RHOBTB1: variants seen among roughly 807,000 people sequenced by gnomAD.
RHOBTB1 encodes Rho related BTB domain containing 1, also known as rho-related BTB domain-containing protein 1.
In RHOBTB1, 40 loss-of-function variants were observed where a neutral mutation model predicts 71.6. The observed-to-expected ratio is 0.56, with a 90% CI of 0.43 to 0.73. RHOBTB1 has a LOEUF of 0.73. RHOBTB1 is among the 30% of genes least tolerant of loss of function. The pLI is 0.00. For missense variants in RHOBTB1, 797 were observed against 894.0 expected (o/e 0.89, Z 1.38); for synonymous variants, 319 against 334.9 (o/e 0.95, Z 0.52).
intron 2 of RHOBTB1, among the ~76,000 whole-genome samples, chr10:60,985,342 G>A (rs538406153): frequency 1.3e-5 from 2 of 152,214 alleles, no homozygotes; most frequent in Admixed American, 1.3e-4. Flanking sequence ...TACTCACTTG[G>A]GATGACTCTA....
At chr10:60,882,519 GTTAAA>G (rs1241610061) in intron 7 of RHOBTB1, among the ~76,000 whole-genome samples, 1 of 149,852 alleles carries the variant, frequency 6.7e-6, no homozygotes, top group Non-Finnish European at 1.5e-5. Context: ...TGACAAAAAA[GTTAAA>G]TTAAAATCAT....
intron 4 of RHOBTB1, among the ~76,000 whole-genome samples, chr10:60,894,740 C>G (rs1469594034): frequency 1.3e-5 from 2 of 152,072 alleles, no homozygotes; most frequent in Non-Finnish European, 2.9e-5. Context: ...CAAAATTATA[C>G]AAAAAGAATT....
intron 2 of RHOBTB1, among the ~76,000 whole-genome samples, chr10:60,939,244 A>C (rs77013307): frequency 0.012 from 1,864 of 152,302 alleles, 32 homozygotes; most frequent in African/African-American, 0.042. Flanking sequence ...GTCCTGGGAC[A>C]TCTGGAAAAA....
Position 60,889,296 on chromosome 10 carries a change from C to T in RHOBTB1, c.483-111G>A, listed in dbSNP as rs1589199839. The T allele has an allele frequency of 6.3e-6, 7 of 1,109,536 alleles. No homozygotes were observed. The East Asian group carries it at 1.8e-4, about 29-fold the overall frequency. 68.7% of individuals were successfully genotyped at this position (1,109,536 alleles called of 1,614,324 possible). ...CTATACACTGAAAACTCCAGTCAGGCTTTTAGTCTCTGGAAAAATCTGCCA... is the reference window on the plus strand; with the variant it reads ...CTATACACTGAAAACTCCAGTCAGGTTTTTAGTCTCTGGAAAAATCTGCCA... On this transcript the variant is annotated intron_variant, in intron 5 of 10. Transcript: ENST00000337910.
intron 5 of RHOBTB1, among the ~76,000 whole-genome samples, chr10:60,892,415 A>G (rs544077252): frequency 6.6e-6 from 1 of 152,190 alleles, no homozygotes; most frequent in South Asian, 2.1e-4. Context: ...GTTTGTATGA[A>G]TCTGATGTTC....
intron 2 of RHOBTB1, among the ~76,000 whole-genome samples, chr10:60,962,976 T>TGTAGAAAATA (rs1345299572): frequency 2.0e-5 from 3 of 152,204 alleles, no homozygotes; most frequent in African/African-American, 7.2e-5. Context: ...TTGTTAGGAC[T>TGTAGAAAATA]GAAAATCTAT....
intron 1 of RHOBTB1, among the ~76,000 whole-genome samples, chr10:60,942,777 C>T (rs2084969704): frequency 1.3e-5 from 2 of 152,042 alleles, no homozygotes; most frequent in African/African-American, 4.8e-5. Flanking sequence ...CTTGCTAAGA[C>T]CAAACAAACA....
intron 2 of RHOBTB1, among the ~76,000 whole-genome samples, chr10:60,961,669 A>C (rs2085782163): frequency 6.6e-6 from 1 of 152,132 alleles, no homozygotes; most frequent in African/African-American, 2.4e-5. Context: ...ATACCCACCT[A>C]GGATTAGCAT....
At chr10:60,972,457 T>C (rs2086189891) in intron 2 of RHOBTB1, among the ~76,000 whole-genome samples, 1 of 152,016 alleles carries the variant, frequency 6.6e-6, no homozygotes, top group Non-Finnish European at 1.5e-5. Flanking sequence ...ACATCGCATG[T>C]TCTCACTCAT....
Position 60,888,689 on chromosome 10 carries a change from C to A in RHOBTB1, c.979G>T (p.Val327Phe). 6.2e-7 allele frequency: 1 copy of A among 1,614,226 alleles called. No homozygotes were observed. Among genetic ancestry groups the A allele is most frequent in the African/African-American group, 1.3e-5 (1 of 75,062 alleles). Reference sequence around the variant, plus strand: ...TCCTCCCTTTCTTCCTCTGGGTCGACACTCAATATCCGCCCCTGGAAATCT... The same window carrying A: ...TCCTCCCTTTCTTCCTCTGGGTCGAAACTCAATATCCGCCCCTGGAAATCT... Reference protein sequence around the residue: ...SRDFQGRILSVDPEEEREEGP... With the variant: ...SRDFQGRILSFDPEEEREEGP... Residue 327 changes from valine to phenylalanine, a missense_variant, in exon 6 of 11, where the codon GTC (valine) becomes TTC (phenylalanine). Val to Phe is a conservative substitution (Grantham distance 50, BLOSUM62 -1). Around this residue, in one of 2 missense-constraint regions of RHOBTB1, gnomAD observed 658 missense variants for 681.5 expected, o/e 0.97. Transcript: ENST00000337910.
intron 4 of RHOBTB1, among the ~76,000 whole-genome samples, chr10:60,895,806 C>T (rs1021030073): frequency 7.2e-5 from 11 of 152,264 alleles, no homozygotes; most frequent in Admixed American, 2.0e-4. Context: ...AAAGATTACA[C>T]AGAATTCTAT....
At chr10:60,955,391 T>A (rs1282747082) in intron 2 of RHOBTB1, among the ~76,000 whole-genome samples, 1 of 152,178 alleles carries the variant, frequency 6.6e-6, no homozygotes, top group Non-Finnish European at 1.5e-5. Context: ...TCAATTCATG[T>A]GTTAACTGAA....
intron 2 of RHOBTB1, among the ~76,000 whole-genome samples, chr10:60,941,274 T>C (rs903114965): frequency 2.6e-5 from 4 of 152,172 alleles, no homozygotes; most frequent in African/African-American, 9.7e-5. Context: ...ACATATTATC[T>C]AATGTCTCTA....
intron 2 of RHOBTB1, among the ~76,000 whole-genome samples, chr10:60,968,642 G>C (rs1053742775): frequency 6.6e-6 from 1 of 152,112 alleles, no homozygotes; most frequent in Non-Finnish European, 1.5e-5. Context: ...GAGGGAGATA[G>C]TTTCTCAAAA....
upstream of RHOBTB1, among the ~76,000 whole-genome samples, chr10:60,948,232 T>C (rs905437144): frequency 3.3e-5 from 5 of 152,216 alleles, no homozygotes; most frequent in Non-Finnish European, 5.9e-5. Flanking sequence ...AATTCTCAAA[T>C]TGCAAATTAA....
chr10:60,919,399 T>A (rs1380498101), intron 2 of RHOBTB1, among the ~76,000 whole-genome samples: 1 of 152,198 alleles, frequency 6.6e-6, no homozygotes, highest in Non-Finnish European at 1.5e-5. Flanking sequence ...ATTGTGCAGA[T>A]TTCATTATTC....
At chr10:60,920,289 A>G (rs1031402936) in intron 2 of RHOBTB1, among the ~76,000 whole-genome samples, 6 of 152,160 alleles carry the variant, frequency 3.9e-5, no homozygotes, top group Non-Finnish European at 5.9e-5. Context: ...AGACAAATAC[A>G]TCATCACAAA....
rs2080966824 is a variant in RHOBTB1, at chr10:60,874,858, A to T, written c.1815+96T>A. 18 of 868,530 alleles carry T rather than the reference A, an allele frequency of 2.1e-5. No individual in the cohort carries two copies. In the South Asian group the frequency reaches 2.6e-4, roughly 12 times the overall value. The allele number at this position is 868,530 out of a possible 1,614,324, so 53.8% of individuals were successfully genotyped here. On this transcript the variant is annotated intron_variant, in intron 9 of 10. Coordinates refer to ENST00000337910, the MANE Select transcript of RHOBTB1 (RefSeq NM_014836.5). The stretch of plus-strand genomic sequence containing the variant: ...GGGGACTCTGTGACTCAGTGGTGAC[A>T]TCTTCATTTAGACAGATGCAACAAT...
At chr10:60,956,138 C>T (rs1488336734) in intron 2 of RHOBTB1, among the ~76,000 whole-genome samples, 1 of 152,090 alleles carries the variant, frequency 6.6e-6, no homozygotes, top group Non-Finnish European at 1.5e-5. Context: ...ATGGTATAGC[C>T]CGTTGTTTCT....
Sources: gnomAD v4.1 joint callset for allele counts (sites outside exome capture counted in the v4.1 genomes callset) on GRCh38, gnomAD v4.1.1 for gene constraint, gnomAD v4.1.1 regional missense constraint, MANE v1.5 for transcripts, NCBI Gene and HGNC (gene_info 2026-07-23, HGNC 2026-07-21) for gene names.